The following JADE1 variants were observed in gnomAD, a reference collection of about 807,000 sequenced individuals.
JADE1 encodes protein Jade-1.
A neutral mutation model predicts 81.8 loss-of-function variants in JADE1; 14 were observed. That is an observed-to-expected ratio of 0.17 (90% confidence interval 0.11 to 0.27). The LOEUF (loss-of-function observed/expected upper bound fraction) is 0.27. JADE1 is among the 10% of genes least tolerant of loss of function. The probability of loss-of-function intolerance (pLI) is 1.00; values close to 1 mark genes in which losing one functional copy is unlikely to be tolerated. For synonymous variants in JADE1, 353 were observed against 391.9 expected (o/e 0.90, Z 1.17); for missense variants, 690 against 1,047.9 (o/e 0.66, Z 4.71).
chr4:128,832,250 C>T (rs1728620572), intron 2 of JADE1, among the ~76,000 whole-genome samples: 1 of 152,190 alleles, frequency 6.6e-6, no homozygotes, highest in Non-Finnish European at 1.5e-5. Flanking sequence ...GGTCGAAAGT[C>T]CCTGCTCTTC....
At chr4:128,843,065 T>C in intron 3 of JADE1, 27 bp downstream of exon 3, 1 of 1,576,466 alleles carries the variant, frequency 6.3e-7, no homozygotes, top group Admixed American at 1.7e-5. Context: ...TGCCTGACCG[T>C]GCATGAATAT....
chr4:128,865,903 A>C (rs1365389609), intron 9 of JADE1, among the ~76,000 whole-genome samples: 1 of 152,248 alleles, frequency 6.6e-6, no homozygotes, highest in Non-Finnish European at 1.5e-5. Context: ...GTCTGATTTG[A>C]ATATGAGAGC....
rs996791564 is a variant in JADE1 at position 128,849,274 on chromosome 4, C to G, written c.484+107C>G. The G allele has an allele frequency of 3.3e-6, 3 of 906,940 alleles. No individual in the cohort carries two copies. In the African/African-American group the frequency reaches 5.1e-5, roughly 15 times the overall value. The allele number at this position is 906,940 out of a possible 1,614,324, so 56.2% of individuals were successfully genotyped here. On this transcript the variant is annotated intron_variant, in intron 5 of 10. Transcript: ENST00000226319. ...TCCTTATTGCCAGTTGCAGGCAGCT[C>G]CATCATAGCTTTAGTCAGTGAGAAT...
At chr4:128,869,579 A>T (rs1257907565) in intron 10 of JADE1, among the ~76,000 whole-genome samples, 1 of 152,110 alleles carries the variant, frequency 6.6e-6, no homozygotes, top group Admixed American at 6.6e-5. Flanking sequence ...CATTTGAGTT[A>T]TTTCTCATGG....
chr4:128,845,361 C>A (rs1729778828), intron 3 of JADE1, among the ~76,000 whole-genome samples: 1 of 152,202 alleles, frequency 6.6e-6, no homozygotes, highest in Admixed American at 6.5e-5. Flanking sequence ...ACTGTTGGAT[C>A]TGCCTGTTTT....
At chr4:128,863,208 T>TGCCTCCCGCTAGG (rs1731508727) in intron 9 of JADE1, 1 of 985,458 alleles carries the variant, frequency 1.0e-6, no homozygotes, top group Admixed American at 6.1e-5. Flanking sequence ...AGGCGTGGGC[T>TGCCTCCCGCTAGG]GCCTCCCGCT....
chr4:128,874,335 T>TGAC lies in JADE1; in HGVS notation c.*2074_*2076dup, dbSNP rs1180360578. 1 of 152,592 alleles carries TGAC rather than the reference T, an allele frequency of 6.6e-6. No individual in the cohort carries two copies. Among genetic ancestry groups the TGAC allele is most frequent in the Non-Finnish European group, 1.5e-5 (1 of 68,036 alleles). The allele number at this position is 152,592 out of a possible 1,614,324, so 9.5% of individuals were successfully genotyped here. ...AATCTAAATTAATCTAGTAAGTGTA[T>TGAC]GACCTCTCACCATTTTAAGAGGTAT... On this transcript the variant is annotated 3_prime_UTR_variant, in exon 11 of 11. Coordinates refer to ENST00000226319, the MANE Select transcript of JADE1 (RefSeq NM_199320.4).
chr4:128,818,033 TGA>T (rs1206744223), intron 1 of JADE1, among the ~76,000 whole-genome samples: 2 of 152,210 alleles, frequency 1.3e-5, no homozygotes, highest in African/African-American at 4.8e-5. Flanking sequence ...GGTTTTCTTT[TGA>T]GAAAAACCCA....
intron 6 of JADE1, among the ~76,000 whole-genome samples, chr4:128,853,007 C>T: frequency 6.6e-6 from 1 of 151,574 alleles, no homozygotes; most frequent in South Asian, 2.1e-4. Flanking sequence ...GTGATTCTTC[C>T]TCCTCCGCCT....
rs3836574 is a variant in JADE1 at position 128,874,508 on chromosome 4, T to TA, written c.*2254dup. On this transcript the variant is annotated 3_prime_UTR_variant, in exon 11 of 11. Transcript: ENST00000226319. ...AAAACAAAAACAAAACAAAAAATAT[T>TA]AAAAAAAACCCACACAAAAACAAAA... 0.48 allele frequency: 73,073 copies of TA among 151,612 alleles called. 19,660 individuals are homozygous for TA. Among genetic ancestry groups the TA allele is most frequent in the African/African-American group, 0.73 (30,214 of 41,220 alleles). 9.4% of individuals were successfully genotyped at this position (151,612 alleles called of 1,614,324 possible).
Position 128,872,827 on chromosome 4 carries a change from A to G in JADE1, c.*565A>G. 1 of 445,838 alleles carries G rather than the reference A, an allele frequency of 2.2e-6. No homozygotes were observed. Among genetic ancestry groups the G allele is most frequent in the Non-Finnish European group, 4.5e-6 (1 of 220,372 alleles). 27.6% of individuals were successfully genotyped at this position (445,838 alleles called of 1,614,324 possible). ...AAATTTATGTGTAAATATAGCAGTC[A>G]GGGAAGAGAATTTTAAAAAAGGTCA... On this transcript the variant is annotated 3_prime_UTR_variant, in exon 11 of 11. Coordinates refer to ENST00000226319, the MANE Select transcript of JADE1 (RefSeq NM_199320.4).
rs1732159630 is a variant in JADE1 at position 128,871,113 on chromosome 4, A to AT, written c.1622-240dup. 6.6e-6 allele frequency among the ~76,000 whole-genome samples: 1 copy of AT among 152,186 alleles called. No homozygotes were observed. The highest frequency in any genetic ancestry group is 1.5e-5 in the Non-Finnish European group (1 of 68,030). On this transcript the variant is annotated intron_variant, in intron 10 of 10. Coordinates refer to ENST00000226319, the MANE Select transcript of JADE1 (RefSeq NM_199320.4). This position sits in a 1 kb window ranked among gnomAD's most constrained non-coding sequence, Gnocchi z 4.1. ...TGGAGGAGGTCTAGTTTTATGAAAA[A>AT]TTATGTGAGCTTCAGCTGTTTTAGA...
Position 128,818,576 on chromosome 4 carries a change from C to T in JADE1, c.-27+8699C>T, listed in dbSNP as rs144630040. Among the ~76,000 whole-genome samples, 448 of 152,232 alleles carry T rather than the reference C, an allele frequency of 2.9e-3. 2 individuals carry two copies. The highest frequency in any genetic ancestry group is 5.1e-3 in the Non-Finnish European group (344 of 68,000). On this transcript the variant is annotated intron_variant, in intron 1 of 10. Transcript: ENST00000226319. ...ACTACTGATCGGTTGATTTATAGGA[C>T]AGATCAGTTGCCTTTCTCTGTAAAG...
At chr4:128,852,332 G>T in intron 6 of JADE1, 64 bp downstream of exon 6, 1 of 1,332,848 alleles carries the variant, frequency 7.5e-7, no homozygotes, top group South Asian at 1.2e-5. Context: ...CTGTGGGAGT[G>T]TATGCCTGGA....
chr4:128,852,631 G>C (rs1730450787), intron 6 of JADE1, among the ~76,000 whole-genome samples: 1 of 152,218 alleles, frequency 6.6e-6, no homozygotes, highest in African/African-American at 2.4e-5. Context: ...TGAAAAGGTG[G>C]TTAGTGTGCT....
chr4:128,857,651 C>T (rs114570617), intron 8 of JADE1, among the ~76,000 whole-genome samples, 197 bp downstream of exon 8: 1,921 of 152,222 alleles, frequency 0.013, 51 homozygotes, highest in African/African-American at 0.044. Flanking sequence ...TAACTAGAAC[C>T]CAAGCTTTCA....
At chr4:128,863,737 A>G in intron 9 of JADE1, 1 of 985,358 alleles carries the variant, frequency 1.0e-6, no homozygotes, top group South Asian at 4.7e-5. Context: ...TTTGTTAGAG[A>G]TGAGAAAAGG....
chr4:128,872,978 C>A lies in JADE1; in HGVS notation c.*716C>A. The A allele has an allele frequency of 2.2e-6, 1 of 450,390 alleles. No homozygotes were observed. Among genetic ancestry groups the A allele is most frequent in the Non-Finnish European group, 4.5e-6 (1 of 223,258 alleles). The allele number at this position is 450,390 out of a possible 1,614,324, so 27.9% of individuals were successfully genotyped here. A position where few individuals can be genotyped will look rare whatever the true frequency, so the allele number is the denominator to read the frequency against. On this transcript the variant is annotated 3_prime_UTR_variant, in exon 11 of 11. Transcript: ENST00000226319. ...GATATGGGACTGGTGGAGAGTGAGA[C>A]TGTTAGGAAAGTTGTATCTATGAAT... is the stretch of plus-strand genomic sequence containing the variant.
chr4:128,832,689 G>C (rs1728654250), intron 2 of JADE1, among the ~76,000 whole-genome samples: 1 of 152,250 alleles, frequency 6.6e-6, no homozygotes, highest in African/African-American at 2.4e-5. Context: ...TACAGATTCA[G>C]AGGAGGGGAG....
Sources: allele counts gnomAD v4.1 joint callset (sites outside exome capture counted in the v4.1 genomes callset), GRCh38; gene constraint gnomAD v4.1.1; non-coding constraint Gnocchi (gnomAD v3.1); transcripts MANE v1.5; gene names NCBI Gene and HGNC (gene_info 2026-07-23, HGNC 2026-07-21).